Variants in SLC22A2 observed in about 807,000 individuals in gnomAD.
The protein encoded by SLC22A2 is solute carrier family 22 member 2.
SLC22A2 carries 46 observed loss-of-function variants against 60.5 expected under a neutral mutation model. The observed-to-expected ratio is 0.76, with a 90% CI of 0.60 to 0.97. The LOEUF (loss-of-function observed/expected upper bound fraction) is 0.97. SLC22A2 is among the 50% of genes least tolerant of loss of function. The pLI is 0.00. For synonymous variants in SLC22A2, 303 were observed against 267.0 expected, an observed-to-expected ratio of 1.13 and a Z score of -1.31; for missense variants, 701 against 706.6, an observed-to-expected ratio of 0.99 and a Z score of 0.09.
intron 9 of SLC22A2, among the ~76,000 whole-genome samples, chr6:160,239,554 GACCCATTAGTC>G (rs1318330809): frequency 1.3e-5 from 2 of 152,194 alleles, no homozygotes; most frequent in Non-Finnish European, 2.9e-5. Context: ...ATGTCCTGCT[GACCCATTAGTC>G]ACCCACTGTC....
chr6:160,227,221 A>G (rs1782738422), intron 9 of SLC22A2, among the ~76,000 whole-genome samples: 1 of 152,122 alleles, frequency 6.6e-6, no homozygotes, highest in Admixed American at 6.5e-5. Flanking sequence ...TATAGGAAAC[A>G]TTTGCCATTG....
In SLC22A2 at chr6:160,219,413, G is replaced by T. The variant is rs151026221; in HGVS notation, c.1602-1915C>A. Among the ~76,000 whole-genome samples, 530 of 97,994 alleles carry T rather than the reference G, an allele frequency of 5.4e-3. 3 individuals carry two copies. Among genetic ancestry groups the T allele is most frequent in the Middle Eastern group, 0.039 (9 of 228 alleles). 64.3% of individuals were successfully genotyped at this position (97,994 alleles called of 152,430 possible). On this transcript the variant is annotated intron_variant, in intron 10 of 10. Coordinates refer to ENST00000366953, the MANE Select transcript of SLC22A2 (RefSeq NM_003058.4). ...AGCAGCAACAACATCAGCCACCGGT[G>T]AGTGACTACTAACTAAATACCAAGC... is the stretch of plus-strand genomic sequence containing the variant.
chr6:160,247,354 C>T, intron 4 of SLC22A2, 56 bp from the exon 5 acceptor site: 1 of 912,936 alleles, frequency 1.1e-6, no homozygotes, highest in Non-Finnish European at 1.8e-6. Context: ...TACCCCATCC[C>T]CCATTTTTTT....
At chr6:160,241,653 C>T in intron 8 of SLC22A2, 67 bp from the exon 9 acceptor site, 1 of 943,080 alleles carries the variant, frequency 1.1e-6, no homozygotes, top group South Asian at 1.4e-5. Flanking sequence ...CCCATCCACC[C>T]CTGAATAAAC....
chr6:160,221,154 CTTTGTTAGA>C (rs1338072398), intron 10 of SLC22A2, among the ~76,000 whole-genome samples: 1 of 152,200 alleles, frequency 6.6e-6, no homozygotes, highest in Non-Finnish European at 1.5e-5. Flanking sequence ...TATCAGTGAT[CTTTGTTAGA>C]TCTGGATAAC....
chr6:160,233,755 C>G (rs975903603), intron 9 of SLC22A2, among the ~76,000 whole-genome samples: 2 of 151,852 alleles, frequency 1.3e-5, no homozygotes, highest in Non-Finnish European at 2.9e-5. Flanking sequence ...CTTCCTTCAG[C>G]TTAATCTCTC....
chr6:160,248,475 GA>G (rs1783132471), intron 4 of SLC22A2, among the ~76,000 whole-genome samples: 1 of 152,218 alleles, frequency 6.6e-6, no homozygotes, highest in Non-Finnish European at 1.5e-5. Flanking sequence ...TTCTGGGAAA[GA>G]GTTGAGATGT....
chr6:160,230,048 T>C (rs2114854529), intron 9 of SLC22A2, among the ~76,000 whole-genome samples: 1 of 151,914 alleles, frequency 6.6e-6, no homozygotes, highest in African/African-American at 2.4e-5. Context: ...TCCTGCCTGT[T>C]CTCTCAGTCC....
At chr6:160,222,566 C>T (rs1245117026) in intron 10 of SLC22A2, among the ~76,000 whole-genome samples, 4 of 152,216 alleles carry the variant, frequency 2.6e-5, no homozygotes, top group South Asian at 4.1e-4. Context: ...TCCAGTGATA[C>T]AGCAGTAAAC....
In SLC22A2 at chr6:160,242,256, C is replaced by G. The variant is rs118018039; in HGVS notation, c.1388+38G>C. On this transcript the variant is annotated intron_variant, in intron 8 of 10. Coordinates refer to ENST00000366953, the MANE Select transcript of SLC22A2 (RefSeq NM_003058.4). ...GTGGTTCCAGCCAATGAACAAATGT[C>G]TCACCCACCCTCGTCATTCTAAGGA... 5.2e-3 allele frequency: 5,702 copies of G among 1,090,458 alleles called. 30 individuals carry two copies. Among genetic ancestry groups the G allele is most frequent in the Non-Finnish European group, 6.1e-3 (4,269 of 701,544 alleles). 67.5% of individuals were successfully genotyped at this position (1,090,458 alleles called of 1,614,324 possible).
Position 160,217,375 on chromosome 6 carries a change from AC to A in SLC22A2, c.*56del. ...CTTTGTGATGAGTGCAGGGATTTCT[AC>A]TTTTGGTCTTGCTGCCATCAAAGCT... On this transcript the variant is annotated 3_prime_UTR_variant, in exon 11 of 11. Coordinates refer to ENST00000366953, the MANE Select transcript of SLC22A2 (RefSeq NM_003058.4). The A allele has an allele frequency of 8.9e-7, 1 of 1,117,374 alleles. No individual in the cohort carries two copies. The highest frequency in any genetic ancestry group is 1.4e-6 in the Non-Finnish European group (1 of 740,192). 69.2% of individuals were successfully genotyped at this position (1,117,374 alleles called of 1,614,324 possible). A position where few individuals can be genotyped will look rare whatever the true frequency, so the allele number is the denominator to read the frequency against.
chr6:160,250,389 G>A (rs943672632), intron 3 of SLC22A2, 159 bp downstream of exon 3: 7 of 686,888 alleles, frequency 1.0e-5, no homozygotes, highest in African/African-American at 7.2e-5. Flanking sequence ...TGCTGAATGA[G>A]TTGATATGCT....
At chr6:160,229,965 C>T (rs1782791855) in intron 9 of SLC22A2, among the ~76,000 whole-genome samples, 1 of 151,782 alleles carries the variant, frequency 6.6e-6, no homozygotes, top group Non-Finnish European at 1.5e-5. Context: ...GATATCCAGG[C>T]ATTCTTTTAC....
At chr6:160,244,600 A>G (rs1206983250) in intron 6 of SLC22A2, 1 of 152,250 alleles carries the variant, frequency 6.6e-6, no homozygotes, top group African/African-American at 2.4e-5. Flanking sequence ...TATTAACTAA[A>G]CATAGTCATT....
At chr6:160,230,725 C>T (rs1251867718) in intron 9 of SLC22A2, among the ~76,000 whole-genome samples, 1 of 151,936 alleles carries the variant, frequency 6.6e-6, no homozygotes, top group Non-Finnish European at 1.5e-5. Context: ...ACCGCAGCTG[C>T]CAGGGGTTCC....
At chr6:160,239,002 G>A (rs985717461) in intron 9 of SLC22A2, among the ~76,000 whole-genome samples, 5 of 152,164 alleles carry the variant, frequency 3.3e-5, no homozygotes, top group African/African-American at 7.2e-5. Flanking sequence ...GATGATAGGA[G>A]GTCAGCAAAA....
At chr6:160,242,237 C>G in intron 8 of SLC22A2, 57 bp downstream of exon 8, 1 of 932,656 alleles carries the variant, frequency 1.1e-6, no homozygotes, top group Non-Finnish European at 1.8e-6. Flanking sequence ...TGTGGTGGTT[C>G]CAGCCAATGA....
rs80246226 is a variant in SLC22A2, at chr6:160,252,070, A to G, written c.519-1368T>C. Among the ~76,000 whole-genome samples the G allele has an allele frequency of 6.4e-3, 980 of 152,254 alleles. 13 individuals are homozygous for G. Among genetic ancestry groups the G allele is most frequent in the African/African-American group, 0.022 (923 of 41,552 alleles). On this transcript the variant is annotated intron_variant, in intron 2 of 10. Coordinates refer to ENST00000366953, the MANE Select transcript of SLC22A2 (RefSeq NM_003058.4). ...TGTGGTTTGCTGTACCTATCAACCC[A>G]TCACCTAGGTAACGATGTAATTTCT...
intron 9 of SLC22A2, among the ~76,000 whole-genome samples, chr6:160,232,650 C>T (rs1019353373): frequency 8.6e-5 from 13 of 151,792 alleles, no homozygotes; most frequent in African/African-American, 1.7e-4. Flanking sequence ...CATCAAAAGG[C>T]ACCAGATCCC....
Sources: gnomAD v4.1 joint callset for allele counts (sites outside exome capture counted in the v4.1 genomes callset) on GRCh38, gnomAD v4.1.1 for gene constraint, MANE v1.5 for transcripts, NCBI Gene and HGNC (gene_info 2026-07-23, HGNC 2026-07-21) for gene names.